The following NVL variants were observed in gnomAD, a reference collection of about 807,000 sequenced individuals.
NVL encodes the protein nuclear VCP like, also known as nuclear valosin-containing protein-like.
A neutral mutation model predicts 110.2 loss-of-function variants in NVL; 84 were observed. That is an observed-to-expected ratio of 0.76 (90% CI 0.64 to 0.91). NVL has a LOEUF of 0.91. Ranked by LOEUF, NVL falls within the 40% of genes least tolerant of loss-of-function variation. The pLI is 0.00. For missense variants in NVL, 882 were observed against 1,035.9 expected (o/e 0.85, Z 2.04); for synonymous variants, 354 against 361.1 (o/e 0.98, Z 0.22).
chr1:224,229,516 C>T (rs1283551136), intron 22 of NVL, among the ~76,000 whole-genome samples: 1 of 151,824 alleles, frequency 6.6e-6, no homozygotes, highest in Non-Finnish European at 1.5e-5. Context: ...CTCACTGCAA[C>T]CTCTGCCTCC....
chr1:224,284,320 G>T (rs1160664163), intron 15 of NVL, among the ~76,000 whole-genome samples: 1 of 151,340 alleles, frequency 6.6e-6, no homozygotes, highest in Admixed American at 6.6e-5. Flanking sequence ...AATAGGAAAG[G>T]ATATGAATAG....
chr1:224,280,188 T>G (rs889687050), intron 16 of NVL, among the ~76,000 whole-genome samples: 7 of 150,784 alleles, frequency 4.6e-5, no homozygotes, highest in East Asian at 3.9e-4. Context: ...TGTTTTTTTT[T>G]TTTTTGCTGG....
chr1:224,292,175 C>T (rs1479534863), intron 12 of NVL, among the ~76,000 whole-genome samples: 3 of 151,996 alleles, frequency 2.0e-5, no homozygotes, highest in African/African-American at 4.8e-5. Context: ...GGATGATATC[C>T]GGAGGATCAC....
chr1:224,251,129 C>T (rs865934496), intron 18 of NVL, among the ~76,000 whole-genome samples: 7 of 151,290 alleles, frequency 4.6e-5, no homozygotes, highest in South Asian at 2.1e-4. Context: ...CAAAAATTAG[C>T]CAGGTGTGAT....
At chr1:224,314,546 C>T (rs76695982) in intron 4 of NVL, among the ~76,000 whole-genome samples, 5,424 of 152,178 alleles carry the variant, frequency 0.036, 116 homozygotes, top group Non-Finnish European at 0.054. Context: ...AGCTGTATAT[C>T]TAGCAAAATT....
intron 2 of NVL, 62 bp from the exon 3 acceptor site, chr1:224,317,992 C>G: frequency 9.0e-7 from 1 of 1,113,358 alleles, no homozygotes; most frequent in Non-Finnish European, 1.3e-6. Flanking sequence ...CCATTAAGTT[C>G]AATCTAAATG....
intron 19 of NVL, among the ~76,000 whole-genome samples, chr1:224,242,560 T>C (rs1310636026): frequency 9.1e-5 from 13 of 143,100 alleles, no homozygotes; most frequent in South Asian, 2.3e-4. Context: ...CTCACTTCAC[T>C]AGGTTCAAGC....
At chr1:224,227,779 T>A (rs1558222454) in intron 22 of NVL, 109 bp from the exon 23 acceptor site, 1 of 947,332 alleles carries the variant, frequency 1.1e-6, no homozygotes, top group Non-Finnish European at 1.6e-6. Flanking sequence ...GACCTCAGAA[T>A]GTGATTGTAA....
intron 4 of NVL, among the ~76,000 whole-genome samples, chr1:224,313,767 C>G (rs1027940932): frequency 1.3e-5 from 2 of 152,140 alleles, no homozygotes; most frequent in Non-Finnish European, 2.9e-5. Flanking sequence ...CTTTGGGAGG[C>G]CAAGGTGGGC....
chr1:224,322,915 CTGCACT>C (rs986835878), intron 2 of NVL, among the ~76,000 whole-genome samples: 5 of 151,958 alleles, frequency 3.3e-5, no homozygotes, highest in African/African-American at 1.2e-4. Flanking sequence ...GATTGCGCCA[CTGCACT>C]CCAGCCTGGG....
intron 19 of NVL, among the ~76,000 whole-genome samples, chr1:224,242,651 A>G (rs1661332538): frequency 6.6e-6 from 1 of 151,102 alleles, no homozygotes. Context: ...TATTTTCAGC[A>G]GAGATGGGCT....
intron 18 of NVL, among the ~76,000 whole-genome samples, chr1:224,260,359 A>G (rs1209737967): frequency 6.6e-6 from 1 of 152,104 alleles, no homozygotes; most frequent in Non-Finnish European, 1.5e-5. Flanking sequence ...CCCGAGTTCC[A>G]GCGATTCTCC....
chr1:224,281,167 C>T lies in NVL; in HGVS notation c.1918G>A (p.Gly640Arg), dbSNP rs777976394. 1.8e-5 allele frequency: 29 copies of T among 1,613,444 alleles called. No individual in the cohort carries two copies. The highest frequency in any genetic ancestry group is 2.4e-5 in the Non-Finnish European group (28 of 1,179,820). Residue 640 changes from glycine to arginine, a missense_variant, in exon 16 of 23, where the codon GGA becomes AGA. Physicochemically the swap from Gly to Arg is moderately radical, Grantham distance 125. This residue lies in a region of NVL where 416 missense variants were observed against 499.3 expected (regional missense o/e 0.83). Transcript: ENST00000281701. ...CCCTTGACAGATATAAAATTTAGTCCGGACTCATTTGCAACAGCCTAGCAA... is the reference window on the plus strand; with the variant it reads ...CCCTTGACAGATATAAAATTTAGTCTGGACTCATTTGCAACAGCCTAGCAA... ...LLAKAVANESGLNFISVKGPE... is the reference protein window; with the variant it reads ...LLAKAVANESRLNFISVKGPE...
Position 224,227,620 on chromosome 1 carries a change from G to A in NVL, c.*6C>T, listed in dbSNP as rs537497621. The A allele has an allele frequency of 6.2e-7, 1 of 1,610,148 alleles. No individual in the cohort carries two copies. The highest frequency in any genetic ancestry group is 2.2e-5 in the East Asian group (1 of 44,684). ...GCTAGCTCCTCTAAGCCGGCTGCTG[G>A]AGACATCACCGGCTGAGGGACTCCT... On this transcript the variant is annotated 3_prime_UTR_variant, in exon 23 of 23. Coordinates refer to ENST00000281701, the MANE Select transcript of NVL (RefSeq NM_002533.4).
At chr1:224,328,035 G>A (rs1671308012) in intron 1 of NVL, among the ~76,000 whole-genome samples, 1 of 152,014 alleles carries the variant, frequency 6.6e-6, no homozygotes. Context: ...TCCACTGAAA[G>A]GTTTTGAGCA....
At chr1:224,315,512 T>C (rs1354499085) in intron 4 of NVL, among the ~76,000 whole-genome samples, 1 of 152,132 alleles carries the variant, frequency 6.6e-6, no homozygotes, top group Non-Finnish European at 1.5e-5. Flanking sequence ...AAAGGACATC[T>C]ACAAAAAAAC....
chr1:224,311,741 G>T (rs367543736), intron 5 of NVL, 59 bp downstream of exon 5: 1 of 1,290,160 alleles, frequency 7.8e-7, no homozygotes, highest in African/African-American at 1.5e-5. Context: ...TTTCAAGGGA[G>T]GTACCATAAC....
At chr1:224,263,160 T>G (rs962633757) in intron 18 of NVL, among the ~76,000 whole-genome samples, 1 of 152,206 alleles carries the variant, frequency 6.6e-6, no homozygotes, top group African/African-American at 2.4e-5. Flanking sequence ...ACAGTTTTTG[T>G]TATAAGCTTT....
In NVL at chr1:224,311,863, T is replaced by C; in HGVS notation, c.285-6A>G. 1.2e-6 allele frequency: 2 copies of C among 1,608,550 alleles called. No homozygotes were observed. Among genetic ancestry groups the C allele is most frequent in the Non-Finnish European group, 1.7e-6 (2 of 1,175,594 alleles). On this transcript the variant is annotated splice_polypyrimidine_tract_variant and splice_region_variant and intron_variant, in intron 4 of 22. Transcript: ENST00000281701. ...CAGAATAGCTTTCAGTATACCTCAG[T>C]AAAAGGAGGGAAAAATGTTTTAAAG...
Sources: gnomAD v4.1 joint callset for allele counts (sites outside exome capture counted in the v4.1 genomes callset) on GRCh38, gnomAD v4.1.1 for gene constraint, gnomAD v4.1.1 regional missense constraint, MANE v1.5 for transcripts, NCBI Gene and HGNC (gene_info 2026-07-23, HGNC 2026-07-21) for gene names.